Variants in AGPS observed in about 807,000 individuals in gnomAD.
The protein encoded by AGPS is alkylglycerone phosphate synthase.
A neutral mutation model predicts 90.7 loss-of-function variants in AGPS; 26 were observed. The ratio of observed to expected loss-of-function variants is 0.29; its 90% CI spans 0.21 to 0.40. The LOEUF (loss-of-function observed/expected upper bound fraction) is 0.40, where lower values mean the gene tolerates loss of function less well. AGPS is among the 10% of genes least tolerant of loss of function. The pLI is 1.00. For missense variants in AGPS, 540 were observed against 816.1 expected, an observed-to-expected ratio of 0.66 and a Z score of 4.12; for synonymous variants, 294 against 285.3, an observed-to-expected ratio of 1.03 and a Z score of -0.31.
chr2:177,479,951 C>T (rs1240789061), intron 10 of AGPS, among the ~76,000 whole-genome samples: 1 of 152,104 alleles, frequency 6.6e-6, no homozygotes, highest in Non-Finnish European at 1.5e-5. Flanking sequence ...GAGGCCAAGG[C>T]GGGTAGATCA....
Position 177,539,603 on chromosome 2 carries a change from T to C in AGPS, c.*1408T>C, listed in dbSNP as rs2079213924. 6.6e-6 allele frequency: 1 copy of C among 152,018 alleles called. No homozygotes were observed. Among genetic ancestry groups the C allele is most frequent in the Admixed American group, 6.6e-5 (1 of 15,238 alleles). The allele number at this position is 152,018 out of a possible 1,614,324, so 9.4% of individuals were successfully genotyped here. On this transcript the variant is annotated 3_prime_UTR_variant, in exon 20 of 20. Coordinates refer to ENST00000264167, the MANE Select transcript of AGPS (RefSeq NM_003659.4). ...CATTGTCTGTGTATGTAGCAACAGC[T>C]CCAAAGTATTTTTGGGCAGTTTGAT...
At chr2:177,409,923 T>G (rs1289790134) in intron 1 of AGPS, among the ~76,000 whole-genome samples, 1 of 152,230 alleles carries the variant, frequency 6.6e-6, no homozygotes, top group Non-Finnish European at 1.5e-5. Context: ...GCCCTGACTA[T>G]CTGCTTGATA....
intron 19 of AGPS, among the ~76,000 whole-genome samples, chr2:177,531,402 T>C (rs1263161131): frequency 6.6e-6 from 1 of 152,176 alleles, no homozygotes; most frequent in Non-Finnish European, 1.5e-5. Flanking sequence ...CTTGCAGTTG[T>C]TCCAAAGAAA....
chr2:177,409,815 A>G (rs1685569357), intron 1 of AGPS, among the ~76,000 whole-genome samples: 1 of 152,140 alleles, frequency 6.6e-6, no homozygotes, highest in Non-Finnish European at 1.5e-5. Context: ...TACACCTTCT[A>G]TTCTGGAAGA....
intron 1 of AGPS, among the ~76,000 whole-genome samples, chr2:177,397,464 T>C (rs1359103027): frequency 2.0e-5 from 3 of 151,792 alleles, no homozygotes; most frequent in Non-Finnish European, 2.9e-5. Context: ...TTTGGATTTT[T>C]TTCAGTTTTT....
chr2:177,443,711 T>C (rs1435585737), intron 7 of AGPS, among the ~76,000 whole-genome samples: 1 of 152,232 alleles, frequency 6.6e-6, no homozygotes, highest in African/African-American at 2.4e-5. Flanking sequence ...AGGTTCCCCA[T>C]TAACCTATCT....
chr2:177,482,107 C>T lies in AGPS; in HGVS notation c.1154C>T (p.Pro385Leu). The change falls in exon 11 of 20, where the codon CCT becomes CTT. Residue 385 changes from proline to leucine, a missense_variant. Transcript: ENST00000264167. ...TEATIKIRPV[P>L]EYQKYGSVAF... ...GCTACAATAAAAATCAGACCAGTCC[C>T]TGAATACCAAAAGTATGGCTCAGTA... 6.2e-7 allele frequency: 1 copy of T among 1,605,798 alleles called. No homozygotes were observed. The highest frequency in any genetic ancestry group is 8.5e-7 in the Non-Finnish European group (1 of 1,174,770).
At chr2:177,500,593 G>A (rs531195392) in intron 14 of AGPS, among the ~76,000 whole-genome samples, 4 of 151,622 alleles carry the variant, frequency 2.6e-5, no homozygotes, top group African/African-American at 9.7e-5. Flanking sequence ...TATTTCTAGG[G>A]TTGTCTGAAT....
chr2:177,451,099 C>A (rs1686935875), intron 8 of AGPS, among the ~76,000 whole-genome samples: 1 of 151,730 alleles, frequency 6.6e-6, no homozygotes, highest in Non-Finnish European at 1.5e-5. Context: ...GTAGCTAGGA[C>A]TACAGGCATG....
intron 1 of AGPS, among the ~76,000 whole-genome samples, chr2:177,404,211 A>G (rs910385363): frequency 1.3e-5 from 2 of 152,186 alleles, no homozygotes; most frequent in Non-Finnish European, 2.9e-5. Flanking sequence ...TGAGTCTTTA[A>G]AGGGGAAACC....
intron 1 of AGPS, among the ~76,000 whole-genome samples, chr2:177,397,557 T>G (rs1685218550): frequency 6.6e-6 from 1 of 152,078 alleles, no homozygotes; most frequent in Non-Finnish European, 1.5e-5. Flanking sequence ...ACTGCTAACC[T>G]CTTTCCCAGT....
intron 19 of AGPS, among the ~76,000 whole-genome samples, chr2:177,526,511 G>T (rs1203014096): frequency 6.6e-6 from 1 of 151,942 alleles, no homozygotes; most frequent in Non-Finnish European, 1.5e-5. Flanking sequence ...TATATTTTTT[G>T]ATACAAAGTA....
At chr2:177,528,483 T>C (rs1370964085) in intron 19 of AGPS, among the ~76,000 whole-genome samples, 1 of 152,216 alleles carries the variant, frequency 6.6e-6, no homozygotes, top group Non-Finnish European at 1.5e-5. Context: ...AGGCCTTTGC[T>C]GTTTGTTCCC....
intron 10 of AGPS, among the ~76,000 whole-genome samples, chr2:177,477,180 T>TC (rs1214136089): frequency 1.3e-5 from 2 of 152,124 alleles, no homozygotes; most frequent in African/African-American, 2.4e-5. Flanking sequence ...TGCCTTATTT[T>TC]CCCCCCCTCT....
At chr2:177,522,880 T>A (rs1468571182) in intron 18 of AGPS, among the ~76,000 whole-genome samples, 1 of 152,192 alleles carries the variant, frequency 6.6e-6, no homozygotes, top group African/African-American at 2.4e-5. Context: ...AGGCCCAAGG[T>A]ACTATAGATA....
At chr2:177,457,762 G>A (rs1320563534) in intron 8 of AGPS, among the ~76,000 whole-genome samples, 1 of 152,150 alleles carries the variant, frequency 6.6e-6, no homozygotes, top group Non-Finnish European at 1.5e-5. Flanking sequence ...ATACAAAGAG[G>A]AGCTGGTGTA....
intron 1 of AGPS, among the ~76,000 whole-genome samples, chr2:177,406,224 T>G (rs571422884): frequency 1.1e-4 from 16 of 152,346 alleles, no homozygotes; most frequent in African/African-American, 3.8e-4. Context: ...TTTCTTTTGT[T>G]TCCCGCCTTT....
In AGPS at chr2:177,453,567, G is replaced by T. The variant is rs1216820299; in HGVS notation, c.870+7941G>T. On this transcript the variant is annotated intron_variant, in intron 8 of 19. Transcript: ENST00000264167. ...TTATAGGCATGAGCCACCACAGCCA[G>T]CCTAGGTTGCAGACTTTACGACACT... Among the ~76,000 whole-genome samples, 3 of 151,944 alleles carry T rather than the reference G, an allele frequency of 2.0e-5. 1 individual carries two copies.
At chr2:177,449,922 C>T (rs1290885994) in intron 8 of AGPS, among the ~76,000 whole-genome samples, 1 of 151,654 alleles carries the variant, frequency 6.6e-6, no homozygotes, top group African/African-American at 2.4e-5. Context: ...ACTGCAAGCT[C>T]CGCCTCCCGG....
Sources: allele counts gnomAD v4.1 joint callset (sites outside exome capture counted in the v4.1 genomes callset), GRCh38; gene constraint gnomAD v4.1.1; transcripts MANE v1.5; gene names NCBI Gene and HGNC (gene_info 2026-07-23, HGNC 2026-07-21).